Variants in ASB6 observed in about 807,000 individuals in gnomAD.
The protein encoded by ASB6 is ankyrin repeat and SOCS box containing 6, also known as ankyrin repeat and SOCS box protein 6.
A neutral mutation model predicts 28.6 loss-of-function variants in ASB6; 24 were observed. The ratio of observed to expected loss-of-function variants is 0.84; its 90% CI spans 0.61 to 1.18. ASB6 has a LOEUF of 1.18. Ranked by LOEUF, ASB6 falls within the 50% of genes most tolerant of loss-of-function variation. ASB6 has a pLI of 0.00. For missense variants in ASB6, 519 were observed against 559.8 expected, an observed-to-expected ratio of 0.93 and a Z score of 0.74; for synonymous variants, 267 against 243.4, an observed-to-expected ratio of 1.10 and a Z score of -0.90.
At chr9:129,640,849 G>A in intron 1 of ASB6, 127 bp from the exon 2 acceptor site, 2 of 1,118,864 alleles carry the variant, frequency 1.8e-6, no homozygotes, top group South Asian at 1.4e-5. Context: ...GTGGGTCACA[G>A]GGGCTTGGGG....
rs1359468125 is a variant in ASB6, at chr9:129,637,573, C to T, written c.*217G>A. ...CCAACATGGGGGGGACTTGGAGTGC[C>T]GCTGGAGGGAAGGGGGCAGTCTCTC... On this transcript the variant is annotated 3_prime_UTR_variant, in exon 6 of 6. Coordinates refer to ENST00000277458, the MANE Select transcript of ASB6 (RefSeq NM_017873.4). The T allele has an allele frequency of 2.4e-6, 1 of 417,756 alleles. No individual in the cohort carries two copies. The highest frequency in any genetic ancestry group is 9.6e-5 in the South Asian group (1 of 10,438). 25.9% of individuals were successfully genotyped at this position (417,756 alleles called of 1,614,324 possible). A position where few individuals can be genotyped will look rare whatever the true frequency, so the allele number is the denominator to read the frequency against.
At position 129,642,062 on chromosome 9, in the gene ASB6, C is replaced by T; in HGVS notation, c.-63G>A. The T allele has an allele frequency of 1.3e-5, 19 of 1,492,986 alleles. No homozygotes were observed. The highest frequency in any genetic ancestry group is 1.7e-5 in the Non-Finnish European group (19 of 1,119,098). The allele number at this position is 1,492,986 out of a possible 1,614,324, so 92.5% of individuals were successfully genotyped here. A position where few individuals can be genotyped will look rare whatever the true frequency, so the allele number is the denominator to read the frequency against. ...TGCCGAGGCCGAGATGCCCAGACGC[C>T]GACCGGAACGCTCCGGCGGCCGCGG... On this transcript the variant is annotated 5_prime_UTR_variant, in exon 1 of 6. Transcript: ENST00000277458. This position sits in a 1 kb window ranked among gnomAD's most constrained non-coding sequence, Gnocchi z 4.3.
chr9:129,635,215 C>G lies in ASB6; in HGVS notation c.*2575G>C, dbSNP rs368286471. Reference sequence around the variant, plus strand: ...TGCCTCTGCCCTCCCCAGGCCACCTCACCGATCAGCACCTGGCCGAGTTCC... The same window carrying G: ...TGCCTCTGCCCTCCCCAGGCCACCTGACCGATCAGCACCTGGCCGAGTTCC... On this transcript the variant is annotated 3_prime_UTR_variant, in exon 6 of 6. Coordinates refer to ENST00000277458, the MANE Select transcript of ASB6 (RefSeq NM_017873.4). 2 of 1,608,794 alleles carry G rather than the reference C, an allele frequency of 1.2e-6. No homozygotes were observed. Among genetic ancestry groups the G allele is most frequent in the Admixed American group, 3.3e-5 (2 of 60,012 alleles).
At position 129,637,769 on chromosome 9, in the gene ASB6, G is replaced by T. The variant is rs375847126; in HGVS notation, c.*21C>A. The T allele has an allele frequency of 1.3e-6, 2 of 1,499,664 alleles. No individual in the cohort carries two copies. The highest frequency in any genetic ancestry group is 1.4e-5 in the South Asian group (1 of 72,364). The allele number at this position is 1,499,664 out of a possible 1,614,324, so 92.9% of individuals were successfully genotyped here. A position where few individuals can be genotyped will look rare whatever the true frequency, so the allele number is the denominator to read the frequency against. ...CTGACCTGAGCTGCCCGTGTCCCCC[G>T]TTCCTGTAGCCTGAGACCTATCAGA... On this transcript the variant is annotated 3_prime_UTR_variant, in exon 6 of 6. Coordinates refer to ENST00000277458, the MANE Select transcript of ASB6 (RefSeq NM_017873.4).
chr9:129,640,426 AAGG>A, intron 2 of ASB6, 112 bp downstream of exon 2: 1 of 1,379,302 alleles, frequency 7.3e-7, no homozygotes, highest in South Asian at 1.6e-5. Flanking sequence ...CCAGGAAATA[AAGG>A]GGGGGAAGTC....
rs766556840 is a variant in ASB6 at position 129,638,361 on chromosome 9, GCCT to G, written c.692_694del (p.Glu231del). The G allele has an allele frequency of 1.2e-5, 20 of 1,613,190 alleles. No individual in the cohort carries two copies. Among genetic ancestry groups the G allele is most frequent in the Admixed American group, 1.7e-5 (1 of 60,010 alleles). ...GAAGCAGAAGCGGTTGATCATCTGG[GCCT>G]CCTCTTTGTCCCCTCCCACGGTCTC... On this transcript the variant is annotated inframe_deletion, in exon 6 of 6. Coordinates refer to ENST00000277458, the MANE Select transcript of ASB6 (RefSeq NM_017873.4).
intron 4 of ASB6, 80 bp downstream of exon 4, chr9:129,639,122 G>C (rs1441860192): frequency 7.2e-7 from 1 of 1,394,708 alleles, no homozygotes; most frequent in Admixed American, 2.2e-5. Flanking sequence ...CCACCTAGCT[G>C]TTGTCCTGGG....
rs149176062 is a variant in ASB6 at position 129,638,411 on chromosome 9, G to C, written c.645C>G (p.Thr215=). The C allele has an allele frequency of 1.2e-6, 2 of 1,613,586 alleles. No homozygotes were observed. Among genetic ancestry groups the C allele is most frequent in the Non-Finnish European group, 1.7e-6 (2 of 1,179,810 alleles). ...ATTKDGDTVF[T]CIIFLLGETV... Reference sequence around the variant, plus strand: ...TCTCACCAAGCAGGAAGATGATGCAGGTGAACACTGTGTCCCCATCTTTGG... The same window carrying C: ...TCTCACCAAGCAGGAAGATGATGCACGTGAACACTGTGTCCCCATCTTTGG... Residue 215 remains threonine (T), a synonymous_variant, in exon 6 of 6, where the codon ACC becomes ACG. Coordinates refer to ENST00000277458, the MANE Select transcript of ASB6 (RefSeq NM_017873.4).
Position 129,640,666 on chromosome 9 carries a change from T to A in ASB6, c.170A>T (p.Glu57Val). 1 of 1,614,136 alleles carries A rather than the reference T, an allele frequency of 6.2e-7. No homozygotes were observed. The highest frequency in any genetic ancestry group is 1.1e-5 in the South Asian group (1 of 91,078). Reference sequence around the variant, plus strand: ...GTAAAAGGGAGAGTGGGCTTTCCTCTCCAGCAGCTCAGTGAGAACAAGGAT... The same window carrying A: ...GTAAAAGGGAGAGTGGGCTTTCCTCACCAGCAGCTCAGTGAGAACAAGGAT... Reference protein sequence around the residue: ...SRILVLTELLERKAHSPFYQE... With the variant: ...SRILVLTELLVRKAHSPFYQE... Residue 57 changes from glutamate to valine, a missense_variant, in exon 2 of 6, where the codon GAG becomes GTG. Physicochemically the swap from Glu to Val is moderately radical, Grantham distance 121 (BLOSUM62 -2). Coordinates refer to ENST00000277458, the MANE Select transcript of ASB6 (RefSeq NM_017873.4).
chr9:129,635,021 G>GCCACAGTTT lies in ASB6; in HGVS notation c.*2760_*2768dup, dbSNP rs1831447084. Reference sequence around the variant, plus strand: ...GTGTCTTTAGGTAGATGACCTCTGAGCCACAGTTTCCTATTCTATGAATTG... The same window carrying GCCACAGTTT: ...GTGTCTTTAGGTAGATGACCTCTGAGCCACAGTTTCCACAGTTTCCTATTCTATGAATTG... On this transcript the variant is annotated 3_prime_UTR_variant, in exon 6 of 6. Transcript: ENST00000277458. The GCCACAGTTT allele has an allele frequency of 1.0e-5, 7 of 680,278 alleles. No individual in the cohort carries two copies. The South Asian group carries it at 1.4e-4, about 13-fold the overall frequency. The allele number at this position is 680,278 out of a possible 1,614,324, so 42.1% of individuals were successfully genotyped here. A position where few individuals can be genotyped will look rare whatever the true frequency, so the allele number is the denominator to read the frequency against.
At position 129,635,228 on chromosome 9, in the gene ASB6, C is replaced by T; in HGVS notation, c.*2562G>A. 1 of 1,611,210 alleles carries T rather than the reference C, an allele frequency of 6.2e-7. No individual in the cohort carries two copies. The highest frequency in any genetic ancestry group is 8.5e-7 in the Non-Finnish European group (1 of 1,179,966). ...CCCAGGCCACCTCACCGATCAGCAC[C>T]TGGCCGAGTTCCTGCGGCGCTGCAA... is the stretch of plus-strand genomic sequence containing the variant. On this transcript the variant is annotated 3_prime_UTR_variant, in exon 6 of 6. Transcript: ENST00000277458.
In ASB6 at chr9:129,642,140, A is replaced by C; in HGVS notation, c.-141T>G. On this transcript the variant is annotated 5_prime_UTR_variant, in exon 1 of 6. Coordinates refer to ENST00000277458, the MANE Select transcript of ASB6 (RefSeq NM_017873.4). The surrounding 1 kb of genome is among the most constrained non-coding windows in gnomAD (Gnocchi z 4.3). ...CTGCGCCCGGCCGGGTCCGCTCCTC[A>C]GTCCAAGCCGCGCCCCCGCCGGAAG... The C allele has an allele frequency of 7.7e-7, 1 of 1,305,952 alleles. No individual in the cohort carries two copies. 80.9% of individuals were successfully genotyped at this position (1,305,952 alleles called of 1,614,324 possible).
Position 129,638,017 on chromosome 9 carries a change from C to T in ASB6, c.1039G>A (p.Asp347Asn), listed in dbSNP as rs148649978. 25 of 1,613,796 alleles carry T rather than the reference C, an allele frequency of 1.5e-5. No individual in the cohort carries two copies. The highest frequency in any genetic ancestry group is 1.0e-4 in the Admixed American group (6 of 59,982). Reference protein sequence around the residue: ...SQKLQLPENFDIHPVGSLAEK... With the variant: ...SQKLQLPENFNIHPVGSLAEK... Reference sequence around the variant, plus strand: ...GCCAGGCTGCCCACAGGGTGGATATCGAAGTTTTCGGGCAGCTGGAGTTTC... The same window carrying T: ...GCCAGGCTGCCCACAGGGTGGATATTGAAGTTTTCGGGCAGCTGGAGTTTC... Residue 347 changes from aspartate (D) to asparagine (N), a missense_variant, in exon 6 of 6, where the codon GAT becomes AAT. Physicochemically the swap from Asp to Asn is conservative, Grantham distance 23 (BLOSUM62 1). Transcript: ENST00000277458.
intron 1 of ASB6, chr9:129,641,098 T>G (rs933266924): frequency 9.1e-5 from 21 of 231,982 alleles, no homozygotes; most frequent in Non-Finnish European, 1.8e-4. Flanking sequence ...CCTTCCATCC[T>G]CAAACCCGCA....
intron 1 of ASB6, among the ~76,000 whole-genome samples, chr9:129,641,580 C>T (rs1020226702): frequency 6.6e-6 from 1 of 152,262 alleles, no homozygotes; most frequent in Non-Finnish European, 1.5e-5. Flanking sequence ...GGATTCCACC[C>T]TGCTCCTCTG....
rs1831445162 is a variant in ASB6, at chr9:129,635,001, TTTAGGTAGATG to T, written c.*2778_*2788del. Reference sequence around the variant, plus strand: ...AAGTCAAATTCTGGCTTAATGTGTCTTTAGGTAGATGACCTCTGAGCCACAGTTTCCTATTC... The same window carrying T: ...AAGTCAAATTCTGGCTTAATGTGTCTACCTCTGAGCCACAGTTTCCTATTC... On this transcript the variant is annotated 3_prime_UTR_variant, in exon 6 of 6. Coordinates refer to ENST00000277458, the MANE Select transcript of ASB6 (RefSeq NM_017873.4). 2 of 613,626 alleles carry T rather than the reference TTTAGGTAGATG, an allele frequency of 3.3e-6. No individual in the cohort carries two copies. The highest frequency in any genetic ancestry group is 4.1e-5 in the South Asian group (2 of 48,364). 38.0% of individuals were successfully genotyped at this position (613,626 alleles called of 1,614,324 possible). A position where few individuals can be genotyped will look rare whatever the true frequency, so the allele number is the denominator to read the frequency against.
At position 129,640,024 on chromosome 9, in the gene ASB6, C is replaced by A. The variant is rs1831655952; in HGVS notation, c.296-516G>T. The stretch of plus-strand genomic sequence containing the variant: ...GCAGCCCTGCCTGTCTGCCGACTAA[C>A]CCTGCCCTCCCTGGGCTGAAAAACA... On this transcript the variant is annotated intron_variant, in intron 2 of 5. Coordinates refer to ENST00000277458, the MANE Select transcript of ASB6 (RefSeq NM_017873.4). Among the ~76,000 whole-genome samples, 4 of 152,356 alleles carry A rather than the reference C, an allele frequency of 2.6e-5. No homozygotes were observed. In the South Asian group the frequency reaches 6.2e-4, roughly 24 times the overall value.
Position 129,635,333 on chromosome 9 carries a change from A to G in ASB6, c.*2457T>C. 6.2e-7 allele frequency: 1 copy of G among 1,613,884 alleles called. No homozygotes were observed. Among genetic ancestry groups the G allele is most frequent in the Non-Finnish European group, 8.5e-7 (1 of 1,180,030 alleles). On this transcript the variant is annotated 3_prime_UTR_variant, in exon 6 of 6. Coordinates refer to ENST00000277458, the MANE Select transcript of ASB6 (RefSeq NM_017873.4). ...GGGCGTGATTCTGGACGACGTGGAC[A>G]GCAGCGTGTGCCGGGACCTTGACGT...
At position 129,638,195 on chromosome 9, in the gene ASB6, G is replaced by A. The variant is rs1398895759; in HGVS notation, c.861C>T (p.Tyr287=). 3 of 1,613,714 alleles carry A rather than the reference G, an allele frequency of 1.9e-6. No homozygotes were observed. Among genetic ancestry groups the A allele is most frequent in the Non-Finnish European group, 8.5e-7 (1 of 1,179,880 alleles). Residue 287 remains tyrosine (Y), a synonymous_variant, in exon 6 of 6, where the codon TAC becomes TAT. Coordinates refer to ENST00000277458, the MANE Select transcript of ASB6 (RefSeq NM_017873.4). ...LRFLLESGAA[Y]NCSLHGASCW... ...AGGACGCACCGTGCAGGGAGCAGTTGTAGGCGGCTCCGGACTCCAGGAGGA... is the reference window on the plus strand; with the variant it reads ...AGGACGCACCGTGCAGGGAGCAGTTATAGGCGGCTCCGGACTCCAGGAGGA...
Sources: allele counts gnomAD v4.1 joint callset (sites outside exome capture counted in the v4.1 genomes callset), GRCh38; gene constraint gnomAD v4.1.1; non-coding constraint Gnocchi (gnomAD v3.1); transcripts MANE v1.5; gene names NCBI Gene and HGNC (gene_info 2026-07-23, HGNC 2026-07-21).